Variants in CTNNA3 observed in about 807,000 individuals in gnomAD.
CTNNA3 encodes the protein catenin alpha-3.
In CTNNA3, 76 loss-of-function variants were observed where a neutral mutation model predicts 95.7. The ratio of observed to expected loss-of-function variants is 0.79; its 90% CI spans 0.66 to 0.96. The LOEUF (loss-of-function observed/expected upper bound fraction) is 0.96. CTNNA3 is among the 40% of genes least tolerant of loss of function. The pLI, the probability that CTNNA3 is intolerant of heterozygous loss-of-function variation, is 0.00. For missense variants in CTNNA3, 1,191 were observed against 1,089.8 expected (o/e 1.09, Z -1.31); for synonymous variants, 431 against 374.4 (o/e 1.15, Z -1.74).
At chr10:65,962,089 C>G (rs1055732279) in intron 17 of CTNNA3, among the ~76,000 whole-genome samples, 1 of 152,106 alleles carries the variant, frequency 6.6e-6, no homozygotes, top group African/African-American at 2.4e-5. Flanking sequence ...TATAAAGGTA[C>G]ATTGGAATCA....
chr10:66,986,262 C>G (rs1283652605), intron 7 of CTNNA3, among the ~76,000 whole-genome samples: 1 of 152,024 alleles, frequency 6.6e-6, no homozygotes, highest in Non-Finnish European at 1.5e-5. Context: ...CTTTGAGAGG[C>G]CGAGGCAGGC....
intron 7 of CTNNA3, among the ~76,000 whole-genome samples, chr10:66,972,904 G>A (rs1452334006): frequency 6.6e-6 from 1 of 151,778 alleles, no homozygotes; most frequent in Non-Finnish European, 1.5e-5. Context: ...TAGAGATGGG[G>A]TTTCACCATG....
At chr10:66,644,448 C>T (rs1277574049) in intron 9 of CTNNA3, among the ~76,000 whole-genome samples, 1 of 139,448 alleles carries the variant, frequency 7.2e-6, no homozygotes, top group Admixed American at 7.6e-5. Context: ...CCAGATCCCC[C>T]CCAAATATGT....
chr10:67,108,410 A>C lies in CTNNA3; in HGVS notation c.1047+71907T>G, dbSNP rs74364737. On this transcript the variant is annotated intron_variant, in intron 7 of 17. Transcript: ENST00000433211. ...ATTTTCATTCACGGGTATTTGTTCA[A>C]TGTGTCTTCTATATATTTTATACTA... is the stretch of plus-strand genomic sequence containing the variant. Among the ~76,000 whole-genome samples the C allele has an allele frequency of 4.9e-3, 748 of 152,128 alleles. 1 individual carries two copies. The highest frequency in any genetic ancestry group is 0.015 in the African/African-American group (631 of 41,526).
chr10:66,250,228 A>G (rs1911473), intron 13 of CTNNA3, among the ~76,000 whole-genome samples: 14,172 of 152,174 alleles, frequency 0.093, 755 homozygotes, highest in Middle Eastern at 0.17. Flanking sequence ...AATCAATTGA[A>G]TTCGTGGAGA....
intron 9 of CTNNA3, among the ~76,000 whole-genome samples, chr10:66,745,874 C>T (rs1041626620): frequency 5.3e-5 from 8 of 151,768 alleles, no homozygotes; most frequent in African/African-American, 1.9e-4. Flanking sequence ...GCTGGGATTA[C>T]AGGCGTGAGC....
At chr10:66,688,416 T>A (rs1238404440) in intron 9 of CTNNA3, among the ~76,000 whole-genome samples, 1 of 152,128 alleles carries the variant, frequency 6.6e-6, no homozygotes, top group African/African-American at 2.4e-5. Context: ...GATTTTTGCA[T>A]GGGTTGTTCC....
intron 5 of CTNNA3, among the ~76,000 whole-genome samples, chr10:67,424,182 GTCCCTGCTT>G (rs1173439993): frequency 3.9e-5 from 6 of 152,036 alleles, no homozygotes; most frequent in African/African-American, 1.4e-4. Context: ...AGATAAAGGG[GTCCCTGCTT>G]CTATACATTT....
At chr10:66,631,767 A>G (rs74909301) in intron 9 of CTNNA3, among the ~76,000 whole-genome samples, 1 of 150,788 alleles carries the variant, frequency 6.6e-6, no homozygotes, top group Non-Finnish European at 1.5e-5. Context: ...AATAAAAAAA[A>G]GCAATAGATG....
At chr10:67,521,062 T>C (rs1424535135) in intron 5 of CTNNA3, among the ~76,000 whole-genome samples, 2 of 152,188 alleles carry the variant, frequency 1.3e-5, no homozygotes, top group Admixed American at 1.3e-4. Flanking sequence ...TTTAAACATT[T>C]AACTGGCTGT....
At chr10:66,845,738 G>A (rs567293951) in intron 7 of CTNNA3, among the ~76,000 whole-genome samples, 1 of 30,890 alleles carries the variant, frequency 3.2e-5, no homozygotes, top group Non-Finnish European at 8.3e-5. Context: ...AACTAAAAAG[G>A]TGAGATATAT....
At chr10:66,460,696 C>T (rs918201622) in intron 11 of CTNNA3, among the ~76,000 whole-genome samples, 28 of 152,184 alleles carry the variant, frequency 1.8e-4, no homozygotes, top group African/African-American at 6.5e-4. Flanking sequence ...GCATGGAATC[C>T]CATAAAATCT....
At chr10:66,907,872 T>C (rs991918422) in intron 7 of CTNNA3, among the ~76,000 whole-genome samples, 6 of 152,122 alleles carry the variant, frequency 3.9e-5, no homozygotes, top group African/African-American at 1.2e-4. Flanking sequence ...AAAGCAAATA[T>C]GGTGAAGGCT....
chr10:67,409,820 C>G (rs554050000), intron 5 of CTNNA3, among the ~76,000 whole-genome samples: 1 of 152,100 alleles, frequency 6.6e-6, no homozygotes, highest in Non-Finnish European at 1.5e-5. Flanking sequence ...CATCTCACAC[C>G]AGTCAGAATG....
intron 7 of CTNNA3, among the ~76,000 whole-genome samples, chr10:66,889,793 T>C (rs1016451065): frequency 1.4e-5 from 2 of 147,744 alleles, no homozygotes; most frequent in African/African-American, 4.9e-5. Context: ...CACAGACCTT[T>C]TTTTTTTTTT....
intron 9 of CTNNA3, among the ~76,000 whole-genome samples, chr10:66,659,706 T>G (rs1846193398): frequency 6.6e-6 from 1 of 152,122 alleles, no homozygotes; most frequent in African/African-American, 2.4e-5. Flanking sequence ...AGGGAGCATG[T>G]TTATCTCTTC....
intron 5 of CTNNA3, among the ~76,000 whole-genome samples, chr10:67,380,479 A>C (rs1490072721): frequency 6.6e-6 from 1 of 152,230 alleles, no homozygotes; most frequent in African/African-American, 2.4e-5. Flanking sequence ...AATTCAACAA[A>C]TATGCATTGA....
At chr10:67,349,315 A>T (rs536597931) in intron 5 of CTNNA3, among the ~76,000 whole-genome samples, 5 of 152,080 alleles carry the variant, frequency 3.3e-5, no homozygotes, top group Non-Finnish European at 7.3e-5. Context: ...ATGTCCATCA[A>T]CAAATGAATG....
At chr10:67,739,941 T>C (rs2133639723) in intron 1 of CTNNA3, among the ~76,000 whole-genome samples, 1 of 152,226 alleles carries the variant, frequency 6.6e-6, no homozygotes, top group African/African-American at 2.4e-5. Context: ...AACAGCATGG[T>C]ACTGGTACCA....
Sources: allele counts gnomAD v4.1 joint callset (sites outside exome capture counted in the v4.1 genomes callset), GRCh38; gene constraint gnomAD v4.1.1; transcripts MANE v1.5; gene names NCBI Gene and HGNC (gene_info 2026-07-23, HGNC 2026-07-21).